The following PLEKHA7 variants were observed in gnomAD, a reference collection of about 807,000 sequenced individuals.
PLEKHA7 encodes the protein pleckstrin homology domain containing A7.
PLEKHA7 carries 104 observed loss-of-function variants against 170.0 expected under a neutral mutation model. The observed-to-expected ratio is 0.61, with a 90% confidence interval of 0.52 to 0.72. The LOEUF (loss-of-function observed/expected upper bound fraction) is 0.72. Ranked by LOEUF, PLEKHA7 falls within the 30% of genes least tolerant of loss-of-function variation. The pLI, the probability that PLEKHA7 is intolerant of heterozygous loss-of-function variation, is 0.00. For missense variants in PLEKHA7, 1,615 were observed against 1,671.7 expected, an observed-to-expected ratio of 0.97 and a Z score of 0.59; for synonymous variants, 648 against 660.8, an observed-to-expected ratio of 0.98 and a Z score of 0.30.
chr11:16,906,244 A>T (rs1857662594), intron 3 of PLEKHA7, among the ~76,000 whole-genome samples: 1 of 110,932 alleles, frequency 9.0e-6, no homozygotes, highest in Non-Finnish European at 2.0e-5. Flanking sequence ...GGAAGGAAGG[A>T]AGGAAGGAAG....
intron 17 of PLEKHA7, among the ~76,000 whole-genome samples, chr11:16,798,607 T>C (rs567754279): frequency 1.3e-5 from 2 of 152,348 alleles, no homozygotes; most frequent in South Asian, 2.1e-4. Flanking sequence ...TAAAGCAAGA[T>C]GCCATTTAGT....
chr11:16,809,732 T>G (rs943084055), intron 13 of PLEKHA7, among the ~76,000 whole-genome samples: 12 of 152,186 alleles, frequency 7.9e-5, no homozygotes, highest in African/African-American at 2.9e-4. Context: ...CCACCTGAGG[T>G]GGCCCTTTTA....
In PLEKHA7 at chr11:16,892,406, T is replaced by TTGTGTGTGTGTGTGTGTGTGTGTGTG. The variant is rs58762762; in HGVS notation, c.222-21250_222-21225dup. Among the ~76,000 whole-genome samples the TTGTGTGTGTGTGTGTGTGTGTGTGTG allele has an allele frequency of 1.4e-3, 189 of 136,868 alleles. 2 individuals carry two copies. The highest frequency in any genetic ancestry group is 2.0e-3 in the Non-Finnish European group (123 of 61,726). 89.8% of individuals were successfully genotyped at this position (136,868 alleles called of 152,430 possible). Reference sequence around the variant, plus strand: ...GCCATGCAGGAGAGGTTGTTTTATTTTGTGTGTGTGTGTGTGTGTGTGTGT... The same window carrying TTGTGTGTGTGTGTGTGTGTGTGTGTG: ...GCCATGCAGGAGAGGTTGTTTTATTTTGTGTGTGTGTGTGTGTGTGTGTGTGTGTGTGTGTGTGTGTGTGTGTGTGT... On this transcript the variant is annotated intron_variant, in intron 3 of 26. Transcript: ENST00000531066.
intron 13 of PLEKHA7, among the ~76,000 whole-genome samples, chr11:16,808,765 C>T (rs753625581): frequency 2.0e-5 from 3 of 152,156 alleles, no homozygotes; most frequent in African/African-American, 4.8e-5. Context: ...AACAGTGAAC[C>T]CCACACCCCA....
At chr11:16,826,074 C>T (rs572301905) in intron 10 of PLEKHA7, 46 bp downstream of exon 10, 7 of 1,566,612 alleles carry the variant, frequency 4.5e-6, no homozygotes, top group African/African-American at 1.4e-5. Flanking sequence ...CTTGCCACTA[C>T]ATTATCGTGC....
At chr11:16,972,558 G>T (rs57818898) in intron 3 of PLEKHA7, among the ~76,000 whole-genome samples, 11 of 152,026 alleles carry the variant, frequency 7.2e-5, no homozygotes, top group African/African-American at 1.9e-4. Flanking sequence ...CTGCTGGTGC[G>T]CACCACCATG....
At chr11:16,902,181 T>C (rs1857385212) in intron 3 of PLEKHA7, among the ~76,000 whole-genome samples, 1 of 152,224 alleles carries the variant, frequency 6.6e-6, no homozygotes, top group Non-Finnish European at 1.5e-5. Flanking sequence ...CAGTACTTCA[T>C]TCCTTCCTAT....
At chr11:16,939,828 G>C (rs1272309519) in intron 3 of PLEKHA7, among the ~76,000 whole-genome samples, 2 of 152,214 alleles carry the variant, frequency 1.3e-5, no homozygotes, top group Non-Finnish European at 1.5e-5. Flanking sequence ...AGTTTATGAA[G>C]AGTGAAAGGG....
chr11:16,864,895 CT>C, intron 4 of PLEKHA7, among the ~76,000 whole-genome samples: 1 of 152,268 alleles, frequency 6.6e-6, no homozygotes, highest in South Asian at 2.1e-4. Flanking sequence ...ATTTGTATGC[CT>C]ATAGCTTTCA....
chr11:16,782,700 C>A, intron 26 of PLEKHA7, 54 bp downstream of exon 26: 1 of 1,528,620 alleles, frequency 6.5e-7, no homozygotes, highest in Non-Finnish European at 8.8e-7. Flanking sequence ...GGGCCCAAGC[C>A]CACAGGTGCA....
intron 12 of PLEKHA7, among the ~76,000 whole-genome samples, chr11:16,814,863 C>T (rs573652143): frequency 1.3e-5 from 2 of 152,328 alleles, no homozygotes; most frequent in Admixed American, 6.5e-5. Context: ...GCAGTGGCCA[C>T]GGGGGCAACA....
At chr11:16,916,711 C>T (rs530496829) in intron 3 of PLEKHA7, among the ~76,000 whole-genome samples, 8 of 152,268 alleles carry the variant, frequency 5.3e-5, no homozygotes, top group African/African-American at 1.9e-4. Context: ...TAGATGGAAC[C>T]AGCTTTCTCC....
chr11:16,824,185 A>G (rs1445626989), intron 10 of PLEKHA7, among the ~76,000 whole-genome samples: 1 of 152,204 alleles, frequency 6.6e-6, no homozygotes, highest in African/African-American at 2.4e-5. Context: ...AAGAGCTAGT[A>G]TTTGATAGCA....
At chr11:16,892,406 TTGTG>T (rs58762762) in intron 3 of PLEKHA7, among the ~76,000 whole-genome samples, 110 of 136,908 alleles carry the variant, frequency 8.0e-4, no homozygotes, top group East Asian at 6.6e-3. Context: ...TTGTTTTATT[TTGTG>T]TGTGTGTGTG....
At chr11:16,787,199 G>C (rs1225125820) in intron 23 of PLEKHA7, 2 of 985,296 alleles carry the variant, frequency 2.0e-6, no homozygotes, top group Non-Finnish European at 2.4e-6. Context: ...CCGCTGAGCA[G>C]GTTGTTGAGA....
In PLEKHA7 at chr11:16,841,507, G is replaced by A. The variant is rs144012848; in HGVS notation, c.872+40C>T. The stretch of plus-strand genomic sequence containing the variant: ...GACCTATCTGGGTCCCAATCCTAGT[G>A]TAGGAGGTGCTGTGGCAGGGACCCT... On this transcript the variant is annotated intron_variant, in intron 9 of 26. Coordinates refer to ENST00000531066, the MANE Select transcript of PLEKHA7 (RefSeq NM_001329630.2). 332 of 1,595,398 alleles carry A rather than the reference G, an allele frequency of 2.1e-4. 1 individual carries two copies. The African/African-American group carries it at 3.7e-3, about 18-fold the overall frequency.
At chr11:16,871,307 C>A in intron 3 of PLEKHA7, 125 bp from the exon 4 acceptor site, 1 of 695,556 alleles carries the variant, frequency 1.4e-6, no homozygotes, top group South Asian at 1.6e-5. Flanking sequence ...GAAATGTGGG[C>A]CTTTCCTCTG....
At chr11:16,959,099 T>C (rs1174851837) in intron 3 of PLEKHA7, among the ~76,000 whole-genome samples, 4 of 152,308 alleles carry the variant, frequency 2.6e-5, no homozygotes, top group African/African-American at 9.6e-5. Flanking sequence ...TAACTTTTAT[T>C]TTAGGTTTGT....
intron 21 of PLEKHA7, chr11:16,790,226 A>G (rs1847746763): frequency 3.4e-6 from 1 of 295,976 alleles, no homozygotes; most frequent in African/African-American, 2.2e-5. Flanking sequence ...TGCACAACCC[A>G]ACTTGGGGTG....
Sources: allele counts gnomAD v4.1 joint callset (sites outside exome capture counted in the v4.1 genomes callset), GRCh38; gene constraint gnomAD v4.1.1; transcripts MANE v1.5; gene names NCBI Gene and HGNC (gene_info 2026-07-23, HGNC 2026-07-21).